Variants in IL4R observed in about 807,000 individuals in gnomAD.
The protein encoded by IL4R is interleukin 4 receptor.
A neutral mutation model predicts 41.5 loss-of-function variants in IL4R; 17 were observed. The observed-to-expected ratio is 0.41, with a 90% CI of 0.28 to 0.61. The LOEUF (loss-of-function observed/expected upper bound fraction) is 0.61, where lower values mean the gene tolerates loss of function less well. Among genes scored for constraint, IL4R ranks in the 20% least tolerant of loss-of-function variants. IL4R has a pLI of 0.31. For missense variants in IL4R, 974 were observed against 1,043.1 expected (o/e 0.93, Z 0.91); for synonymous variants, 402 against 422.9 (o/e 0.95, Z 0.61).
rs1419946187 is a variant in IL4R at position 27,345,381 on chromosome 16, G to A, written c.361+361G>A. The A allele has an allele frequency of 9.6e-5, 37 of 385,482 alleles. No homozygotes were observed. Among genetic ancestry groups the A allele is most frequent in the East Asian group, 4.0e-4 (6 of 14,996 alleles). The allele number at this position is 385,482 out of a possible 1,614,324, so 23.9% of individuals were successfully genotyped here. On this transcript the variant is annotated intron_variant, in intron 5 of 10. Transcript: ENST00000395762. This position sits in a 1 kb window ranked among gnomAD's most constrained non-coding sequence, Gnocchi z 4.5. ...TCTGTGTCCACTGGTCAGCTGCTGC[G>A]GCTTTGGATGGTCTTGACCGTGGAA... is the stretch of plus-strand genomic sequence containing the variant.
chr16:27,357,795 C>G (rs923576807), intron 8 of IL4R, among the ~76,000 whole-genome samples: 2 of 151,980 alleles, frequency 1.3e-5, no homozygotes, highest in South Asian at 4.1e-4. Flanking sequence ...CTGGCTGTCA[C>G]TTATGTAGCC....
chr16:27,361,980 T>C (rs948452952), intron 10 of IL4R, among the ~76,000 whole-genome samples: 1 of 152,164 alleles, frequency 6.6e-6, no homozygotes, highest in African/African-American at 2.4e-5. Flanking sequence ...ATTATCATCA[T>C]CCATAAAGAC....
chr16:27,337,827 C>T (rs2085305326), intron 2 of IL4R, among the ~76,000 whole-genome samples: 1 of 151,688 alleles, frequency 6.6e-6, no homozygotes, highest in Non-Finnish European at 1.5e-5. Context: ...GCTGGGATTA[C>T]AGATGTGAGC....
chr16:27,363,046 C>T lies in IL4R; in HGVS notation c.1694C>T (p.Ala565Val), dbSNP rs2086359696. 6.2e-7 allele frequency: 1 copy of T among 1,614,046 alleles called. No homozygotes were observed. The highest frequency in any genetic ancestry group is 8.5e-7 in the Non-Finnish European group (1 of 1,180,050). The change falls in exon 11 of 11, where the codon GCA becomes GTA. Residue 565 changes from alanine (A) to valine (V), a missense_variant. This residue lies in a region of IL4R where 682 missense variants were observed against 704.3 expected (regional missense o/e 0.97). Coordinates refer to ENST00000395762, the MANE Select transcript of IL4R (RefSeq NM_000418.4). ...AATGTCCTCCAGCATGGGGCAGCTG[C>T]AGCCCCCGTCTCGGCCCCCACCAGT... ...RRNVLQHGAA[A>V]APVSAPTSGY...
intron 8 of IL4R, among the ~76,000 whole-genome samples, chr16:27,358,124 C>T (rs2086154978): frequency 1.3e-5 from 2 of 152,186 alleles, no homozygotes; most frequent in Admixed American, 6.5e-5. Flanking sequence ...GAACTTCTGA[C>T]CTCAGGTGAT....
chr16:27,363,384 C>G lies in IL4R; in HGVS notation c.2032C>G (p.Leu678Val), dbSNP rs778039155. 2 of 1,614,164 alleles carry G rather than the reference C, an allele frequency of 1.2e-6. No homozygotes were observed. The highest frequency in any genetic ancestry group is 1.7e-6 in the Non-Finnish European group (2 of 1,180,014). The change falls in exon 11 of 11, where the codon CTG becomes GTG. Residue 678 changes from leucine (L) to valine (V), a missense_variant. Transcript: ENST00000395762. ...SHLPSSSPEHLGLEPGEKVED... is the reference protein window; with the variant it reads ...SHLPSSSPEHVGLEPGEKVED... ...TCTCCCAAGCAGCTCCCCAGAGCACCTGGGTCTGGAGCCGGGGGAAAAGGT... is the reference window on the plus strand; with the variant it reads ...TCTCCCAAGCAGCTCCCCAGAGCACGTGGGTCTGGAGCCGGGGGAAAAGGT...
Position 27,363,076 on chromosome 16 carries a change from A to T in IL4R, c.1724A>T (p.Tyr575Phe). 1 of 1,614,098 alleles carries T rather than the reference A, an allele frequency of 6.2e-7. No individual in the cohort carries two copies. The highest frequency in any genetic ancestry group is 8.5e-7 in the Non-Finnish European group (1 of 1,180,028). ...AAPVSAPTSGYQEFVHAVEQG... is the reference protein window; with the variant it reads ...AAPVSAPTSGFQEFVHAVEQG... ...CCCGTCTCGGCCCCCACCAGTGGCTATCAGGAGTTTGTACATGCGGTGGAG... is the reference window on the plus strand; with the variant it reads ...CCCGTCTCGGCCCCCACCAGTGGCTTTCAGGAGTTTGTACATGCGGTGGAG... The change falls in exon 11 of 11, where the codon TAT (tyrosine) becomes TTT (phenylalanine). Residue 575 changes from tyrosine to phenylalanine, a missense_variant. This residue lies in a region of IL4R where 682 missense variants were observed against 704.3 expected (regional missense o/e 0.97). Transcript: ENST00000395762.
At chr16:27,341,963 C>A in intron 3 of IL4R, 158 bp from the exon 4 acceptor site, 2 of 686,568 alleles carry the variant, frequency 2.9e-6, no homozygotes, top group Non-Finnish European at 4.8e-6. Context: ...AGCTGGGAAG[C>A]TCCAGCAGCC....
chr16:27,336,719 C>T (rs113204088), intron 2 of IL4R, among the ~76,000 whole-genome samples: 2,365 of 150,664 alleles, frequency 0.016, 67 homozygotes, highest in African/African-American at 0.054. Flanking sequence ...AGGGAAGGTC[C>T]CTCCAGGTGG....
Position 27,342,125 on chromosome 16 carries a change from C to T in IL4R, c.75C>T (p.Asn25=), listed in dbSNP as rs1437821551. The T allele has an allele frequency of 6.2e-7, 1 of 1,614,078 alleles. No homozygotes were observed. Among genetic ancestry groups the T allele is most frequent in the Non-Finnish European group, 8.5e-7 (1 of 1,179,994 alleles). The change falls in exon 4 of 11, where the codon AAC becomes AAT. Residue 25 remains asparagine, a synonymous_variant. Transcript: ENST00000395762. ...GCTGCTCCTGTGTCTCCCCAGGGAACATGAAGGTCTTGCAGGAGCCCACCT... is the reference window on the plus strand; with the variant it reads ...GCTGCTCCTGTGTCTCCCCAGGGAATATGAAGGTCTTGCAGGAGCCCACCT... ...LVLLQVASSG[N]MKVLQEPTCV... is the part of the protein sequence containing the mutation.
At chr16:27,317,409 A>G (rs1437535136) in intron 1 of IL4R, among the ~76,000 whole-genome samples, 1 of 152,022 alleles carries the variant, frequency 6.6e-6, no homozygotes, top group Admixed American at 6.5e-5. Flanking sequence ...CAAGAAAGAC[A>G]TTTCTGAGTT....
At chr16:27,357,276 T>A (rs947107680) in intron 8 of IL4R, among the ~76,000 whole-genome samples, 1 of 152,030 alleles carries the variant, frequency 6.6e-6, no homozygotes, top group Non-Finnish European at 1.5e-5. Context: ...TTGTCTTTGG[T>A]TTCTTGTTTT....
At chr16:27,334,990 A>T (rs761401451) in intron 2 of IL4R, among the ~76,000 whole-genome samples, 1 of 152,234 alleles carries the variant, frequency 6.6e-6, no homozygotes, top group East Asian at 1.9e-4. Flanking sequence ...CAGACAATTT[A>T]AAAAGGGACA....
Position 27,342,243 on chromosome 16 carries a change from G to A in IL4R, c.193G>A (p.Val65Ile), listed in dbSNP as rs555743307. Residue 65 changes from valine to isoleucine, a missense_variant, in exon 4 of 11, where the codon GTT (valine) becomes ATT (isoleucine). By Grantham distance (29) the Val-to-Ile change is conservative. This residue lies in a region of IL4R where 284 missense variants were observed against 313.4 expected (regional missense o/e 0.91). Transcript: ENST00000395762. Reference sequence around the variant, plus strand: ...CGAGCTCCGCCTGTTGTACCAGCTGGTTTTTCTGCTCTCCGAGTAAGCCTG... The same window carrying A: ...CGAGCTCCGCCTGTTGTACCAGCTGATTTTTCTGCTCTCCGAGTAAGCCTG... ...STELRLLYQL[V>I]FLLSEAHTCI... is the part of the protein sequence containing the mutation. 21 of 1,614,208 alleles carry A rather than the reference G, an allele frequency of 1.3e-5. No homozygotes were observed. In the South Asian group the frequency reaches 2.2e-4, roughly 17 times the overall value.
chr16:27,322,537 C>T (rs187156635), intron 1 of IL4R, among the ~76,000 whole-genome samples: 4 of 152,108 alleles, frequency 2.6e-5, no homozygotes, highest in Admixed American at 1.3e-4. Context: ...ATAGTGAGAC[C>T]CCATCTCTAC....
At chr16:27,354,908 C>A in intron 7 of IL4R, 1 of 416,280 alleles carries the variant, frequency 2.4e-6, no homozygotes, top group South Asian at 1.7e-5. Context: ...CAGCACAGAA[C>A]CAGGTGCTTG....
chr16:27,336,332 C>A (rs1388925780), intron 2 of IL4R, among the ~76,000 whole-genome samples: 1 of 152,020 alleles, frequency 6.6e-6, no homozygotes, highest in Non-Finnish European at 1.5e-5. Context: ...CTACTGAACA[C>A]CCATTGATTT....
intron 1 of IL4R, among the ~76,000 whole-genome samples, chr16:27,326,862 C>T (rs1402297275): frequency 2.0e-5 from 3 of 152,108 alleles, no homozygotes; most frequent in Admixed American, 1.3e-4. Flanking sequence ...AGGCAGATCC[C>T]GGGCCATTCT....
Position 27,348,085 on chromosome 16 carries a change from G to A in IL4R, c.513+1467G>A, listed in dbSNP as rs538000304. Among the ~76,000 whole-genome samples, 86 of 152,350 alleles carry A rather than the reference G, an allele frequency of 5.6e-4. 1 individual carries two copies. The highest frequency in any genetic ancestry group is 1.9e-3 in the African/African-American group (81 of 41,586). On this transcript the variant is annotated intron_variant, in intron 6 of 10. Transcript: ENST00000395762. Reference sequence around the variant, plus strand: ...GTTGGCTCTCAGGGAGCAGGCACCCGCCACCTTAAGCTCCCATGCTGGTGT... The same window carrying A: ...GTTGGCTCTCAGGGAGCAGGCACCCACCACCTTAAGCTCCCATGCTGGTGT...
Sources: gnomAD v4.1 joint callset for allele counts (sites outside exome capture counted in the v4.1 genomes callset) on GRCh38, gnomAD v4.1.1 for gene constraint, gnomAD v4.1.1 regional missense constraint, Gnocchi (gnomAD v3.1) non-coding constraint, MANE v1.5 for transcripts, NCBI Gene and HGNC (gene_info 2026-07-23, HGNC 2026-07-21) for gene names.